The following NOX4 variants were observed in gnomAD, a reference collection of about 807,000 sequenced individuals.
NOX4 encodes the protein NADPH oxidase 4.
NOX4 carries 69 observed loss-of-function variants against 87.6 expected under a neutral mutation model. The observed-to-expected ratio is 0.79, with a 90% CI of 0.65 to 0.96. The LOEUF (loss-of-function observed/expected upper bound fraction) is 0.96, where lower values mean the gene tolerates loss of function less well. NOX4 is among the 40% of genes least tolerant of loss of function. NOX4 has a pLI of 0.00. For missense variants in NOX4, 680 were observed against 681.5 expected, an observed-to-expected ratio of 1.00 and a Z score of 0.02; for synonymous variants, 275 against 238.2, an observed-to-expected ratio of 1.15 and a Z score of -1.42.
At chr11:89,390,366 C>T (rs1318257408) in intron 11 of NOX4, among the ~76,000 whole-genome samples, 1 of 152,168 alleles carries the variant, frequency 6.6e-6, no homozygotes, top group African/African-American at 2.4e-5. Context: ...AAACCACTTC[C>T]TAAGCCTACA....
At chr11:89,360,892 C>T (rs896706091) in intron 12 of NOX4, among the ~76,000 whole-genome samples, 10 of 151,976 alleles carry the variant, frequency 6.6e-5, no homozygotes, top group Admixed American at 3.3e-4. Flanking sequence ...ATTAAAATCA[C>T]GATGAGATGC....
At chr11:89,461,513 T>C (rs1035585690) in intron 2 of NOX4, among the ~76,000 whole-genome samples, 1 of 151,426 alleles carries the variant, frequency 6.6e-6, no homozygotes, top group African/African-American at 2.4e-5. Flanking sequence ...GGTGTGGTGA[T>C]GGGCACACGT....
intron 13 of NOX4, among the ~76,000 whole-genome samples, chr11:89,353,825 C>T (rs1937768577): frequency 6.6e-6 from 1 of 152,140 alleles, no homozygotes; most frequent in Non-Finnish European, 1.5e-5. Flanking sequence ...GTGCACCAAT[C>T]CTTTTAGGCA....
At chr11:89,381,250 T>C (rs1280536172) in intron 11 of NOX4, among the ~76,000 whole-genome samples, 1 of 152,134 alleles carries the variant, frequency 6.6e-6, no homozygotes, top group Non-Finnish European at 1.5e-5. Context: ...TTATTCAAGC[T>C]TAAAAACAAT....
chr11:89,433,095 A>G (rs1045467248), intron 6 of NOX4, among the ~76,000 whole-genome samples: 5 of 152,142 alleles, frequency 3.3e-5, no homozygotes, highest in Non-Finnish European at 7.4e-5. Context: ...GTTTCCATAC[A>G]TATAAAGTAA....
At chr11:89,379,100 A>G (rs1010110866) in intron 11 of NOX4, among the ~76,000 whole-genome samples, 1 of 152,172 alleles carries the variant, frequency 6.6e-6, no homozygotes, top group Non-Finnish European at 1.5e-5. Context: ...AGAATACTAA[A>G]ATAACAATTT....
chr11:89,400,516 G>A (rs1973500), intron 9 of NOX4, 137 bp from the exon 10 acceptor site: 49,387 of 552,426 alleles, frequency 0.089, 2,948 homozygotes, highest in East Asian at 0.22. Flanking sequence ...TAACAAATGA[G>A]TAAAAAATAA....
rs1438181201 is a variant in NOX4, at chr11:89,438,954, TATA to T, written c.475+1731_475+1733del. 1.8e-4 allele frequency among the ~76,000 whole-genome samples: 15 copies of T among 84,032 alleles called. No homozygotes were observed. In the East Asian group the frequency reaches 2.1e-3, roughly 12 times the overall value. The allele number at this position is 84,032 out of a possible 152,430, so 55.1% of individuals were successfully genotyped here. A position where few individuals can be genotyped will look rare whatever the true frequency, so the allele number is the denominator to read the frequency against. On this transcript the variant is annotated intron_variant, in intron 6 of 17. Coordinates refer to ENST00000263317, the MANE Select transcript of NOX4 (RefSeq NM_016931.5). ...ATAATATAATATATATTATTTTATA[TATA>T]ATAATATATAATATATAATTATATA...
chr11:89,465,480 C>T (rs1393595461), intron 2 of NOX4, among the ~76,000 whole-genome samples: 1 of 152,002 alleles, frequency 6.6e-6, no homozygotes, highest in African/African-American at 2.4e-5. Context: ...GATTTATAAC[C>T]CTTTGGGTAT....
chr11:89,485,810 A>C (rs927289812), intron 2 of NOX4, among the ~76,000 whole-genome samples: 9 of 152,096 alleles, frequency 5.9e-5, no homozygotes, highest in Admixed American at 5.2e-4. Flanking sequence ...TTCGGTGTTC[A>C]TTTTGGCTTC....
the NOX4 span, among the ~76,000 whole-genome samples, chr11:89,583,812 G>A: frequency 6.6e-6 from 1 of 152,136 alleles, no homozygotes; most frequent in East Asian, 1.9e-4. Context: ...AACGTTCCAA[G>A]GTTCACATCT....
At chr11:89,531,328 A>G in the NOX4 span, among the ~76,000 whole-genome samples, 1 of 152,270 alleles carries the variant, frequency 6.6e-6, no homozygotes, top group Middle Eastern at 3.4e-3. Flanking sequence ...CTGAAGACTG[A>G]ACCTCTTTCT....
At chr11:89,582,503 T>G in the NOX4 span, among the ~76,000 whole-genome samples, 1 of 151,750 alleles carries the variant, frequency 6.6e-6, no homozygotes, top group Non-Finnish European at 1.5e-5. Context: ...CCACCAAGAG[T>G]GTACAAGGAT....
chr11:89,548,338 T>C, the NOX4 span: 1 of 152,206 alleles, frequency 6.6e-6, no homozygotes, highest in Non-Finnish European at 1.5e-5. Context: ...GAGAAGTTGG[T>C]CATCTGCAAA....
chr11:89,436,588 G>T (rs1944091156), intron 6 of NOX4, among the ~76,000 whole-genome samples: 1 of 151,916 alleles, frequency 6.6e-6, no homozygotes, highest in South Asian at 2.1e-4. Context: ...ATGAATAATT[G>T]CATGACATTG....
chr11:89,461,279 G>A (rs1337165697), intron 2 of NOX4, among the ~76,000 whole-genome samples: 1 of 151,612 alleles, frequency 6.6e-6, no homozygotes, highest in Non-Finnish European at 1.5e-5. Context: ...TGCACGTTGT[G>A]TACATGTACC....
At chr11:89,453,955 C>A (rs1282240720) in intron 2 of NOX4, among the ~76,000 whole-genome samples, 1 of 152,026 alleles carries the variant, frequency 6.6e-6, no homozygotes, top group Non-Finnish European at 1.5e-5. Flanking sequence ...GACAACCACC[C>A]TAGATAAGAC....
At chr11:89,524,148 A>G in the NOX4 span, among the ~76,000 whole-genome samples, 112 of 152,302 alleles carry the variant, frequency 7.4e-4, no homozygotes, top group African/African-American at 2.6e-3. Flanking sequence ...ATTCTCCATA[A>G]GTTCTACCCT....
chr11:89,422,658 G>C (rs1943142442), intron 7 of NOX4, among the ~76,000 whole-genome samples: 1 of 152,086 alleles, frequency 6.6e-6, no homozygotes, highest in Non-Finnish European at 1.5e-5. Context: ...CTTCCTAGAT[G>C]AATCTGATGC....
Sources: gnomAD v4.1 joint callset for allele counts (sites outside exome capture counted in the v4.1 genomes callset) on GRCh38, gnomAD v4.1.1 for gene constraint, MANE v1.5 for transcripts, NCBI Gene and HGNC (gene_info 2026-07-23, HGNC 2026-07-21) for gene names.